The following MATN2 variants were observed in gnomAD, a reference collection of about 807,000 sequenced individuals.
MATN2 encodes the protein matrilin 2.
MATN2 carries 69 observed loss-of-function variants against 103.2 expected under a neutral mutation model. That is an observed-to-expected ratio of 0.67 (90% confidence interval 0.55 to 0.82). The LOEUF (loss-of-function observed/expected upper bound fraction) is 0.82, where lower values mean the gene tolerates loss of function less well. Ranked by LOEUF, MATN2 falls within the 40% of genes least tolerant of loss-of-function variation. MATN2 has a pLI of 0.00. For synonymous variants in MATN2, 429 were observed against 450.2 expected, an observed-to-expected ratio of 0.95 and a Z score of 0.60; for missense variants, 1,023 against 1,211.5, an observed-to-expected ratio of 0.84 and a Z score of 2.31.
intron 5 of MATN2, among the ~76,000 whole-genome samples, chr8:97,966,528 T>C (rs10101541): frequency 0.02 from 2,958 of 151,316 alleles, 90 homozygotes; most frequent in African/African-American, 0.068. Flanking sequence ...ATAGTGCCGC[T>C]GCACTCTAGC....
At chr8:97,998,249 G>A (rs563820920) in intron 7 of MATN2, among the ~76,000 whole-genome samples, 2 of 151,460 alleles carry the variant, frequency 1.3e-5, no homozygotes, top group Admixed American at 1.3e-4. Context: ...TGCTGGGCGC[G>A]GTGGCTCACG....
At chr8:97,918,371 C>G (rs995538648) in intron 2 of MATN2, among the ~76,000 whole-genome samples, 1 of 152,168 alleles carries the variant, frequency 6.6e-6, no homozygotes, top group Non-Finnish European at 1.5e-5. Context: ...TTCTATGTGC[C>G]GGCCCTGAGC....
At chr8:97,957,237 G>T (rs534104658) in intron 4 of MATN2, among the ~76,000 whole-genome samples, 106 of 152,298 alleles carry the variant, frequency 7.0e-4, no homozygotes, top group African/African-American at 2.4e-3. Context: ...TGCCGGGGCA[G>T]GGGGAGCTCT....
Position 98,013,722 on chromosome 8 carries a change from AAGT to A in MATN2, c.1574-2816_1574-2814del, listed in dbSNP as rs1297262296. On this transcript the variant is annotated intron_variant, in intron 10 of 18. Transcript: ENST00000254898. ...GACTTGGAAATATTTATCTGCCTTT[AAGT>A]ATTCATACCCTTTACCTAGGCAATT... Among the ~76,000 whole-genome samples, 31 of 152,340 alleles carry A rather than the reference AAGT, an allele frequency of 2.0e-4. 1 individual carries two copies. The highest frequency in any genetic ancestry group is 1.8e-3 in the Admixed American group (27 of 15,300).
At chr8:97,920,784 C>T (rs1809783204) in intron 2 of MATN2, among the ~76,000 whole-genome samples, 1 of 152,146 alleles carries the variant, frequency 6.6e-6, no homozygotes, top group Admixed American at 6.5e-5. Context: ...TGGAAAGTGA[C>T]ATCTGGAAGA....
intron 6 of MATN2, among the ~76,000 whole-genome samples, chr8:97,992,474 G>A (rs1056389511): frequency 3.3e-5 from 5 of 151,966 alleles, no homozygotes; most frequent in Non-Finnish European, 7.4e-5. Context: ...TGGGCCAGGT[G>A]TGGTGGCTCA....
At chr8:98,017,375 TTAG>T (rs1434052124) in intron 11 of MATN2, among the ~76,000 whole-genome samples, 1 of 152,230 alleles carries the variant, frequency 6.6e-6, no homozygotes, top group Non-Finnish European at 1.5e-5. Flanking sequence ...ACAAGCAGCC[TTAG>T]AGTGAATTGC....
intron 2 of MATN2, among the ~76,000 whole-genome samples, chr8:97,908,347 T>C (rs563434517): frequency 2.0e-5 from 3 of 151,874 alleles, no homozygotes; most frequent in Admixed American, 6.6e-5. Flanking sequence ...CGATGGCCCA[T>C]GCCTATAATC....
chr8:97,870,464 G>A (rs138053203), intron 1 of MATN2, among the ~76,000 whole-genome samples: 1 of 152,090 alleles, frequency 6.6e-6, no homozygotes, highest in African/African-American at 2.4e-5. Context: ...ATTGCAGTGA[G>A]CGGAGATGGT....
intron 7 of MATN2, among the ~76,000 whole-genome samples, chr8:97,995,939 C>T (rs1207007812): frequency 1.3e-5 from 2 of 152,208 alleles, no homozygotes; most frequent in Admixed American, 6.5e-5. Flanking sequence ...TAAGACCACA[C>T]ATGCCTGCAA....
intron 2 of MATN2, among the ~76,000 whole-genome samples, chr8:97,889,600 C>T (rs977389823): frequency 2.0e-5 from 3 of 151,596 alleles, no homozygotes; most frequent in African/African-American, 7.3e-5. Flanking sequence ...CACAACACCA[C>T]GCTCAGCTAA....
chr8:98,023,264 CAAAT>C (rs768419479), intron 13 of MATN2, among the ~76,000 whole-genome samples: 45 of 151,004 alleles, frequency 3.0e-4, no homozygotes, highest in Middle Eastern at 3.4e-3. Flanking sequence ...CTCAAAAAAA[CAAAT>C]AAACAAACAA....
intron 2 of MATN2, among the ~76,000 whole-genome samples, chr8:97,922,478 A>AT (rs1164068412): frequency 6.6e-6 from 1 of 152,026 alleles, no homozygotes; most frequent in Non-Finnish European, 1.5e-5. Flanking sequence ...ACCTTTATTC[A>AT]TTTTTTCAGA....
At chr8:97,975,154 G>A (rs1257003099) in intron 5 of MATN2, among the ~76,000 whole-genome samples, 2 of 152,222 alleles carry the variant, frequency 1.3e-5, no homozygotes, top group African/African-American at 4.8e-5. Flanking sequence ...TTAAAACACA[G>A]GTGTTCTAAC....
rs573195030 is a variant in MATN2 at position 97,883,906 on chromosome 8, G to A, written c.-26-4169G>A. Among the ~76,000 whole-genome samples the A allele has an allele frequency of 1.2e-3, 189 of 152,058 alleles. 1 individual carries two copies. Among genetic ancestry groups the A allele is most frequent in the Non-Finnish European group, 1.3e-3 (88 of 67,978 alleles). On this transcript the variant is annotated intron_variant, in intron 1 of 18. Coordinates refer to ENST00000254898, the MANE Select transcript of MATN2 (RefSeq NM_002380.5). ...GGTTTTGCCATGTTGCCCTGCCTTC[G>A]CCTCCCAAAGTGCTGGGATTATGGG...
intron 3 of MATN2, among the ~76,000 whole-genome samples, chr8:97,941,459 G>A (rs1341434051): frequency 1.3e-5 from 2 of 152,132 alleles, no homozygotes; most frequent in African/African-American, 4.8e-5. Context: ...AAACTTTTCT[G>A]ATTCCCCAGC....
intron 2 of MATN2, among the ~76,000 whole-genome samples, chr8:97,893,597 T>TTTAA (rs58634993): frequency 0.19 from 14,454 of 77,598 alleles, 912 homozygotes; most frequent in African/African-American, 0.22. Flanking sequence ...TATTTATTTA[T>TTTAA]GATAGAGTCT....
At chr8:98,000,885 C>T (rs184280284) in intron 7 of MATN2, among the ~76,000 whole-genome samples, 15 of 152,164 alleles carry the variant, frequency 9.9e-5, no homozygotes, top group Middle Eastern at 3.4e-3. Flanking sequence ...GTGATGAATG[C>T]TACGAAAGAG....
At position 97,906,642 on chromosome 8, in the gene MATN2, A is replaced by G. The variant is rs542122566; in HGVS notation, c.142+18400A>G. On this transcript the variant is annotated intron_variant, in intron 2 of 18. Coordinates refer to ENST00000254898, the MANE Select transcript of MATN2 (RefSeq NM_002380.5). Reference sequence around the variant, plus strand: ...TCACTGCAATGTAGAACTACCATGCACCACCACAGCTGCTAAATCCTTATC... The same window carrying G: ...TCACTGCAATGTAGAACTACCATGCGCCACCACAGCTGCTAAATCCTTATC... Among the ~76,000 whole-genome samples, 5 of 152,338 alleles carry G rather than the reference A, an allele frequency of 3.3e-5. No individual in the cohort carries two copies. The South Asian group carries it at 1.0e-3, about 32-fold the overall frequency.
Sources: gnomAD v4.1 joint callset for allele counts (sites outside exome capture counted in the v4.1 genomes callset) on GRCh38, gnomAD v4.1.1 for gene constraint, MANE v1.5 for transcripts, NCBI Gene and HGNC (gene_info 2026-07-23, HGNC 2026-07-21) for gene names.